GREB1L: variants seen among roughly 807,000 people sequenced by gnomAD.
GREB1L encodes GREB1-like protein.
Under a neutral mutation model 200.8 loss-of-function variants are expected in GREB1L, and 17 were observed. The observed-to-expected ratio is 0.08, with a 90% CI of 0.06 to 0.13. GREB1L has a LOEUF of 0.13. GREB1L is among the 10% of genes least tolerant of loss of function. The pLI, the probability that GREB1L is intolerant of heterozygous loss-of-function variation, is 1.00. For synonymous variants in GREB1L, 789 were observed against 893.0 expected (o/e 0.88, Z 2.08); for missense variants, 1,657 against 2,367.7 (o/e 0.70, Z 6.23).
chr18:21,312,026 T>C (rs1339144868), intron 1 of GREB1L, among the ~76,000 whole-genome samples: 2 of 152,092 alleles, frequency 1.3e-5, no homozygotes, highest in Non-Finnish European at 2.9e-5. Flanking sequence ...GTTTCCCTCT[T>C]TGTGTCCATG....
chr18:21,388,422 A>G (rs534126587), intron 4 of GREB1L, among the ~76,000 whole-genome samples: 14 of 152,004 alleles, frequency 9.2e-5, no homozygotes, highest in African/African-American at 3.1e-4. Flanking sequence ...AATAACAACT[A>G]AAGTCCACAG....
intron 6 of GREB1L, among the ~76,000 whole-genome samples, chr18:21,403,537 TA>T (rs2041403850): frequency 6.6e-6 from 1 of 152,200 alleles, no homozygotes; most frequent in Non-Finnish European, 1.5e-5. Context: ...AAAGGCCTAT[TA>T]GGTTTTCATA....
At chr18:21,301,765 A>G (rs1232784410) in intron 1 of GREB1L, among the ~76,000 whole-genome samples, 6 of 152,228 alleles carry the variant, frequency 3.9e-5, no homozygotes, top group Admixed American at 3.9e-4. Flanking sequence ...ATTGAATAAG[A>G]ATCACTAATC....
At chr18:21,492,089 G>A (rs1378912785) in intron 19 of GREB1L, among the ~76,000 whole-genome samples, 1 of 152,060 alleles carries the variant, frequency 6.6e-6, no homozygotes, top group African/African-American at 2.4e-5. Flanking sequence ...GCTCATGCCT[G>A]TAATCCCAGC....
At chr18:21,493,865 CAAAAAAA>C (rs35758360) in intron 19 of GREB1L, among the ~76,000 whole-genome samples, 94 of 38,512 alleles carry the variant, frequency 2.4e-3, no homozygotes, top group African/African-American at 9.3e-3. Flanking sequence ...GACCCTGTCT[CAAAAAAA>C]AAAAAAAAAA....
chr18:21,337,584 C>T (rs2039204564), intron 1 of GREB1L, among the ~76,000 whole-genome samples: 1 of 152,138 alleles, frequency 6.6e-6, no homozygotes. Context: ...TGGCAAGGGG[C>T]TTAAGAGGCA....
chr18:21,463,362 G>A (rs901939231), intron 15 of GREB1L, among the ~76,000 whole-genome samples: 9 of 151,602 alleles, frequency 5.9e-5, no homozygotes, highest in South Asian at 4.2e-4. Flanking sequence ...AGTCAGGATG[G>A]TCTCGATCTC....
intron 16 of GREB1L, among the ~76,000 whole-genome samples, chr18:21,473,901 G>C (rs1462817363): frequency 6.6e-6 from 1 of 152,164 alleles, no homozygotes; most frequent in African/African-American, 2.4e-5. Context: ...CAGGCAAAGA[G>C]AGAATGAGGA....
intron 7 of GREB1L, among the ~76,000 whole-genome samples, chr18:21,411,495 G>A (rs1429319997): frequency 8.6e-5 from 13 of 151,510 alleles, no homozygotes; most frequent in Admixed American, 6.6e-5. Flanking sequence ...CGTGAGCCAC[G>A]GTGCCCAGCC....
intron 1 of GREB1L, among the ~76,000 whole-genome samples, chr18:21,267,109 T>A (rs1394060063): frequency 6.6e-6 from 1 of 151,816 alleles, no homozygotes; most frequent in Non-Finnish European, 1.5e-5. Flanking sequence ...CATCTTTGTA[T>A]GTTTAGTAGA....
intron 7 of GREB1L, among the ~76,000 whole-genome samples, chr18:21,426,025 T>C (rs899747017): frequency 6.6e-6 from 1 of 152,040 alleles, no homozygotes; most frequent in African/African-American, 2.4e-5. Context: ...CTATTAGCCA[T>C]TACATTTAGA....
At chr18:21,327,364 T>C (rs1243031576) in intron 1 of GREB1L, among the ~76,000 whole-genome samples, 1 of 152,164 alleles carries the variant, frequency 6.6e-6, no homozygotes, top group Non-Finnish European at 1.5e-5. Context: ...CCCAGACCTG[T>C]TGGGTCACTA....
chr18:21,313,210 G>A (rs1388365880), intron 1 of GREB1L, among the ~76,000 whole-genome samples: 1 of 151,526 alleles, frequency 6.6e-6, no homozygotes, highest in Non-Finnish European at 1.5e-5. Context: ...GCTGGTAGTA[G>A]AATTTTGGTG....
chr18:21,322,830 A>G (rs2038970381), intron 1 of GREB1L, among the ~76,000 whole-genome samples: 1 of 152,174 alleles, frequency 6.6e-6, no homozygotes, highest in South Asian at 2.1e-4. Context: ...GAAAAAAGTA[A>G]AATTAGGCCC....
intron 2 of GREB1L, among the ~76,000 whole-genome samples, chr18:21,380,830 A>G (rs764374732): frequency 1.3e-5 from 2 of 152,126 alleles, no homozygotes; most frequent in South Asian, 2.1e-4. Context: ...GCCAGGCGCA[A>G]TGGCTCACAC....
intron 23 of GREB1L, among the ~76,000 whole-genome samples, chr18:21,503,042 T>TCAAGG (rs532242785): frequency 2.0e-5 from 3 of 152,176 alleles, no homozygotes; most frequent in Non-Finnish European, 4.4e-5. Context: ...TAAACTAGGC[T>TCAAGG]TGAAAGTGCA....
intron 1 of GREB1L, among the ~76,000 whole-genome samples, chr18:21,247,048 A>AAT (rs1267408841): frequency 1.3e-5 from 2 of 152,164 alleles, no homozygotes; most frequent in African/African-American, 4.8e-5. Flanking sequence ...ATTTTTGGCA[A>AAT]ATATACACCC....
At chr18:21,352,170 A>C (rs191099459) in intron 1 of GREB1L, among the ~76,000 whole-genome samples, 1 of 152,158 alleles carries the variant, frequency 6.6e-6, no homozygotes. Flanking sequence ...AAATAAATTT[A>C]TCAAATTCAT....
intron 19 of GREB1L, among the ~76,000 whole-genome samples, chr18:21,491,036 G>T (rs528533427): frequency 2.0e-5 from 3 of 152,216 alleles, no homozygotes; most frequent in Non-Finnish European, 2.9e-5. Flanking sequence ...CAAGCATCAG[G>T]GTGGGAGGAG....
Sources: gnomAD v4.1 joint callset for allele counts (sites outside exome capture counted in the v4.1 genomes callset) on GRCh38, gnomAD v4.1.1 for gene constraint, MANE v1.5 for transcripts, NCBI Gene and HGNC (gene_info 2026-07-23, HGNC 2026-07-21) for gene names.